Variants in CLIC5 observed in about 807,000 individuals in gnomAD.
CLIC5 encodes the protein CLIC family member 5.
Under a neutral mutation model 24.7 loss-of-function variants are expected in CLIC5, and 20 were observed. The observed-to-expected ratio is 0.81, with a 90% CI of 0.57 to 1.18. The LOEUF (loss-of-function observed/expected upper bound fraction) is 1.18, where lower values mean the gene tolerates loss of function less well. CLIC5 is among the 50% of genes most tolerant of loss of function. The probability of loss-of-function intolerance (pLI) is 0.00; values close to 1 mark genes in which losing one functional copy is unlikely to be tolerated. For missense variants in CLIC5, 341 were observed against 326.1 expected (o/e 1.05, Z -0.35); for synonymous variants, 159 against 135.6 (o/e 1.17, Z -1.20).
intron 1 of CLIC5, among the ~76,000 whole-genome samples, chr6:46,008,767 T>G (rs1367791763): frequency 6.6e-6 from 1 of 152,164 alleles, no homozygotes; most frequent in African/African-American, 2.4e-5. Flanking sequence ...TCAAAAGCAT[T>G]TCTTTCCTCC....
rs143981458 is a variant in CLIC5, at chr6:45,900,269, A to C, written c.*2819T>G. The C allele has an allele frequency of 4.6e-5, 7 of 152,276 alleles. No homozygotes were observed. The East Asian group carries it at 1.4e-3, about 29-fold the overall frequency. 9.4% of individuals were successfully genotyped at this position (152,276 alleles called of 1,614,324 possible). ...ATAAATAAATACAAAATAAAATAAG[A>C]TCTCAACACAAATACATCCCCTTTC... On this transcript the variant is annotated 3_prime_UTR_variant, in exon 6 of 6. Coordinates refer to ENST00000339561, the MANE Select transcript of CLIC5 (RefSeq NM_016929.5).
the CLIC5 span, among the ~76,000 whole-genome samples, chr6:46,088,070 AGG>A: frequency 1.3e-5 from 2 of 152,018 alleles, no homozygotes; most frequent in African/African-American, 4.8e-5. Context: ...TTTATCATTT[AGG>A]GATTTTCTTC....
chr6:46,093,585 C>A, the CLIC5 span, among the ~76,000 whole-genome samples: 2 of 152,200 alleles, frequency 1.3e-5, no homozygotes, highest in Non-Finnish European at 2.9e-5. Flanking sequence ...GATCCCACTA[C>A]ACACCACTAA....
chr6:45,984,799 A>G (rs1020147235), intron 1 of CLIC5, among the ~76,000 whole-genome samples: 10 of 152,190 alleles, frequency 6.6e-5, no homozygotes, highest in African/African-American at 1.2e-4. Context: ...TGAGGTTTCC[A>G]TGATGTTTTC....
In CLIC5 at chr6:45,945,893, A is replaced by G. The variant is rs150993975; in HGVS notation, c.299+3363T>C. ...TTGATACTTAAATCATTCTTGCTAG[A>G]TGACTGACTAAATGACATGCTGTGT... On this transcript the variant is annotated intron_variant, in intron 3 of 5. Coordinates refer to ENST00000339561, the MANE Select transcript of CLIC5 (RefSeq NM_016929.5). Among the ~76,000 whole-genome samples, 1,326 of 152,368 alleles carry G rather than the reference A, an allele frequency of 8.7e-3. 16 individuals are homozygous for G. Among genetic ancestry groups the G allele is most frequent in the African/African-American group, 0.03 (1,253 of 41,578 alleles).
At chr6:46,063,645 A>G (rs1762357543) in intron 1 of CLIC5, among the ~76,000 whole-genome samples, 1 of 152,196 alleles carries the variant, frequency 6.6e-6, no homozygotes. Context: ...GAAAACTATC[A>G]AGTATGGGGA....
At chr6:45,969,161 C>T (rs1169455114) in intron 1 of CLIC5, among the ~76,000 whole-genome samples, 2 of 152,282 alleles carry the variant, frequency 1.3e-5, no homozygotes, top group South Asian at 2.1e-4. Flanking sequence ...GCTCACAGCA[C>T]GGGCTGGATA....
intron 4 of CLIC5, among the ~76,000 whole-genome samples, chr6:45,918,581 C>T (rs573413023): frequency 1.3e-5 from 2 of 152,342 alleles, no homozygotes; most frequent in Admixed American, 6.5e-5. Context: ...TGGCTGCACG[C>T]TCAACTTCTC....
chr6:46,030,021 C>T (rs572459660), intron 1 of CLIC5, among the ~76,000 whole-genome samples: 10 of 152,176 alleles, frequency 6.6e-5, no homozygotes, highest in Non-Finnish European at 2.9e-5. Context: ...CATGAAGGTC[C>T]CTGCCTTGAA....
intron 1 of CLIC5, among the ~76,000 whole-genome samples, chr6:46,043,636 G>C (rs922960623): frequency 6.6e-6 from 1 of 152,204 alleles, no homozygotes; most frequent in African/African-American, 2.4e-5. Flanking sequence ...AAGAAGCTAA[G>C]TTTAGGAGCC....
At chr6:46,023,901 A>T (rs1277721153) in intron 1 of CLIC5, among the ~76,000 whole-genome samples, 2 of 152,106 alleles carry the variant, frequency 1.3e-5, no homozygotes, top group Non-Finnish European at 2.9e-5. Context: ...AAAAAAAAAA[A>T]AAATCCACCC....
At chr6:45,885,918 T>C (rs114341646) in intron 6 of CLIC5, among the ~76,000 whole-genome samples, 1 of 152,166 alleles carries the variant, frequency 6.6e-6, no homozygotes, top group South Asian at 2.1e-4. Flanking sequence ...AATCAAAATA[T>C]GAGCTCCCCA....
chr6:45,970,184 T>C (rs1765152181), intron 1 of CLIC5, among the ~76,000 whole-genome samples: 1 of 152,328 alleles, frequency 6.6e-6, no homozygotes, highest in East Asian at 1.9e-4. Context: ...GCCCCTGTCA[T>C]GTGGGCCCAC....
At chr6:45,957,915 G>T (rs890492734) in intron 1 of CLIC5, among the ~76,000 whole-genome samples, 2 of 150,704 alleles carry the variant, frequency 1.3e-5, no homozygotes, top group African/African-American at 2.4e-5. Flanking sequence ...CCTGAAAAGT[G>T]TGAGGGAAAA....
intron 1 of CLIC5, among the ~76,000 whole-genome samples, chr6:46,023,686 C>T (rs908369807): frequency 2.6e-5 from 4 of 152,200 alleles, no homozygotes; most frequent in African/African-American, 2.4e-5. Flanking sequence ...TGGGAGCCAA[C>T]GGGCAGAAGA....
intron 1 of CLIC5, among the ~76,000 whole-genome samples, chr6:46,008,258 CA>C (rs2127439704): frequency 6.6e-6 from 1 of 152,292 alleles, no homozygotes; most frequent in South Asian, 2.1e-4. Context: ...TTGCTTCAGA[CA>C]ACCCCGTGTA....
intron 1 of CLIC5, among the ~76,000 whole-genome samples, chr6:46,051,782 A>C (rs978510935): frequency 6.6e-6 from 1 of 152,262 alleles, no homozygotes; most frequent in African/African-American, 2.4e-5. Flanking sequence ...CATAAAATAA[A>C]AAAAGCAGAT....
intron 1 of CLIC5, among the ~76,000 whole-genome samples, chr6:45,974,483 C>CTGTGTG (rs754615455): frequency 5.0e-5 from 4 of 80,440 alleles, no homozygotes; most frequent in Admixed American, 1.6e-4. Context: ...GTGTTTACTA[C>CTGTGTG]TGTGTGTGTG....
chr6:45,888,369 T>C (rs1419313149), intron 6 of CLIC5, among the ~76,000 whole-genome samples: 2 of 152,224 alleles, frequency 1.3e-5, no homozygotes, highest in Admixed American at 1.3e-4. Flanking sequence ...CTGGTAACTA[T>C]TATTTCTAGT....
Sources: allele counts gnomAD v4.1 joint callset (sites outside exome capture counted in the v4.1 genomes callset), GRCh38; gene constraint gnomAD v4.1.1; transcripts MANE v1.5; gene names NCBI Gene and HGNC (gene_info 2026-07-23, HGNC 2026-07-21).